PSD3: variants seen among roughly 807,000 people sequenced by gnomAD.
PSD3 encodes PH and SEC7 domain-containing protein 3.
PSD3 carries 49 observed loss-of-function variants against 105.5 expected under a neutral mutation model. The observed-to-expected ratio is 0.46, with a 90% CI of 0.37 to 0.59. The LOEUF (loss-of-function observed/expected upper bound fraction) is 0.59. Ranked by LOEUF, PSD3 falls within the 20% of genes least tolerant of loss-of-function variation. PSD3 has a pLI of 0.00. For missense variants in PSD3, 1,561 were observed against 1,263.8 expected, an observed-to-expected ratio of 1.24 and a Z score of -3.57; for synonymous variants, 557 against 457.8, an observed-to-expected ratio of 1.22 and a Z score of -2.77.
At chr8:18,866,036 T>G (rs1816909103) in intron 4 of PSD3, among the ~76,000 whole-genome samples, 1 of 152,174 alleles carries the variant, frequency 6.6e-6, no homozygotes, top group Non-Finnish European at 1.5e-5. Context: ...CCCTGTGGCT[T>G]TTGCAGTGAA....
chr8:19,044,954 G>A (rs1828259413), intron 1 of PSD3, among the ~76,000 whole-genome samples: 2 of 152,188 alleles, frequency 1.3e-5, no homozygotes, highest in Admixed American at 1.3e-4. Flanking sequence ...GGAGGCCAAG[G>A]TGGATGGATC....
At chr8:18,996,651 C>G (rs563779254) in intron 1 of PSD3, among the ~76,000 whole-genome samples, 1 of 152,062 alleles carries the variant, frequency 6.6e-6, no homozygotes, top group East Asian at 1.9e-4. Context: ...GGTATTCGAA[C>G]ATGCTGTTAC....
intron 1 of PSD3, among the ~76,000 whole-genome samples, chr8:18,975,439 A>G (rs991352809): frequency 6.6e-6 from 1 of 152,140 alleles, no homozygotes; most frequent in African/African-American, 2.4e-5. Context: ...GCATATGCTA[A>G]AAGTCACGCA....
At chr8:18,906,684 A>G (rs562871720) in intron 2 of PSD3, among the ~76,000 whole-genome samples, 31 of 152,344 alleles carry the variant, frequency 2.0e-4, no homozygotes, top group African/African-American at 7.0e-4. Flanking sequence ...AAATTAGCAT[A>G]AGAAAGTAAT....
chr8:18,646,553 C>A (rs560754291), intron 10 of PSD3, among the ~76,000 whole-genome samples: 1 of 152,028 alleles, frequency 6.6e-6, no homozygotes, highest in Non-Finnish European at 1.5e-5. Context: ...TTCTTCATGG[C>A]TGATTCTAAT....
Position 18,653,468 on chromosome 8 carries a change from A to T in PSD3, c.2216+2174T>A, listed in dbSNP as rs555929622. 1.3e-3 allele frequency among the ~76,000 whole-genome samples: 202 copies of T among 152,308 alleles called. 1 individual carries two copies. The highest frequency in any genetic ancestry group is 3.4e-3 in the Middle Eastern group (1 of 294). ...CAGTGTTTTCAAACATTTCAGTGTC[A>T]TCCTGAAGGTTACATGAGACTCAAT... is the stretch of plus-strand genomic sequence containing the variant. On this transcript the variant is annotated intron_variant, in intron 10 of 15. Transcript: ENST00000327040.
At chr8:19,061,465 A>G (rs985831445) in intron 1 of PSD3, among the ~76,000 whole-genome samples, 1 of 152,214 alleles carries the variant, frequency 6.6e-6, no homozygotes, top group African/African-American at 2.4e-5. Context: ...AGGTATTACT[A>G]TCTTGTTTGT....
chr8:18,928,853 C>T (rs183895780), intron 2 of PSD3, among the ~76,000 whole-genome samples: 31 of 151,496 alleles, frequency 2.0e-4, no homozygotes, highest in Non-Finnish European at 3.2e-4. Flanking sequence ...CTCCTTTCCT[C>T]TTCCTCTTGC....
At chr8:18,575,022 T>C (rs2130356180) in intron 13 of PSD3, 106 bp downstream of exon 13, 1 of 1,228,468 alleles carries the variant, frequency 8.1e-7, no homozygotes, top group Non-Finnish European at 1.1e-6. Context: ...ATGACTTTGA[T>C]TCCAACTCAA....
At chr8:18,585,184 A>G (rs1803087498) in intron 12 of PSD3, among the ~76,000 whole-genome samples, 1 of 152,216 alleles carries the variant, frequency 6.6e-6, no homozygotes, top group Non-Finnish European at 1.5e-5. Flanking sequence ...TTATTTTTCA[A>G]TAAAGGTACC....
At chr8:18,810,793 G>C (rs1415969632) in intron 4 of PSD3, among the ~76,000 whole-genome samples, 1 of 152,122 alleles carries the variant, frequency 6.6e-6, no homozygotes, top group Non-Finnish European at 1.5e-5. Flanking sequence ...AGACCAGTGG[G>C]AACAACATGA....
chr8:18,953,272 G>A (rs377591657), intron 1 of PSD3, among the ~76,000 whole-genome samples: 32 of 151,904 alleles, frequency 2.1e-4, no homozygotes, highest in South Asian at 6.3e-4. Flanking sequence ...ATGGTGACGC[G>A]GCATGTTCAT....
chr8:18,582,881 A>C (rs1183976754), intron 12 of PSD3, among the ~76,000 whole-genome samples: 2 of 143,384 alleles, frequency 1.4e-5, no homozygotes, highest in Non-Finnish European at 3.0e-5. Flanking sequence ...GCTGGAGTGC[A>C]GTGGCAAGAT....
chr8:18,774,326 G>T (rs967252818), intron 8 of PSD3, among the ~76,000 whole-genome samples: 1 of 152,094 alleles, frequency 6.6e-6, no homozygotes, highest in Admixed American at 6.5e-5. Context: ...TCAGAACAGG[G>T]CAAAAGAGAC....
intron 4 of PSD3, among the ~76,000 whole-genome samples, chr8:18,858,206 T>C (rs1480523845): frequency 6.6e-6 from 1 of 152,226 alleles, no homozygotes; most frequent in Non-Finnish European, 1.5e-5. Context: ...CTGGATTTTC[T>C]GGTGCCTATA....
At chr8:18,799,680 C>A (rs1810513154) in intron 7 of PSD3, among the ~76,000 whole-genome samples, 1 of 152,004 alleles carries the variant, frequency 6.6e-6, no homozygotes, top group Non-Finnish European at 1.5e-5. Context: ...GTGATCTATA[C>A]ATAGTACAAG....
chr8:18,798,828 GTAAT>G (rs1436032187), intron 8 of PSD3, among the ~76,000 whole-genome samples: 2 of 151,996 alleles, frequency 1.3e-5, no homozygotes, highest in Admixed American at 6.6e-5. Flanking sequence ...TGATGAGACG[GTAAT>G]TAGTTTGTTT....
At chr8:19,038,606 A>C (rs1404102628) in intron 1 of PSD3, among the ~76,000 whole-genome samples, 1 of 152,090 alleles carries the variant, frequency 6.6e-6, no homozygotes, top group Non-Finnish European at 1.5e-5. Context: ...AACCACAAGC[A>C]TGTACCACCA....
intron 1 of PSD3, among the ~76,000 whole-genome samples, chr8:19,075,269 T>C (rs1283330371): frequency 6.6e-6 from 1 of 152,156 alleles, no homozygotes; most frequent in African/African-American, 2.4e-5. Context: ...ATTTTTAAAG[T>C]AGATTTATTT....
Sources: allele counts gnomAD v4.1 joint callset (sites outside exome capture counted in the v4.1 genomes callset), GRCh38; gene constraint gnomAD v4.1.1; transcripts MANE v1.5; gene names NCBI Gene and HGNC (gene_info 2026-07-23, HGNC 2026-07-21).